Variants in XYLB observed in about 807,000 individuals in gnomAD.
XYLB encodes xylulose kinase.
XYLB carries 62 observed loss-of-function variants against 78.7 expected under a neutral mutation model. The ratio of observed to expected loss-of-function variants is 0.79; its 90% CI spans 0.64 to 0.97. The LOEUF (loss-of-function observed/expected upper bound fraction) is 0.97, where lower values mean the gene tolerates loss of function less well. Among genes scored for constraint, XYLB ranks in the 50% least tolerant of loss-of-function variants. XYLB has a pLI of 0.00. For synonymous variants in XYLB, 245 were observed against 247.4 expected (o/e 0.99, Z 0.09); for missense variants, 687 against 676.8 (o/e 1.02, Z -0.17).
At chr3:38,378,979 A>T (rs118049856) in intron 14 of XYLB, among the ~76,000 whole-genome samples, 1 of 151,952 alleles carries the variant, frequency 6.6e-6, no homozygotes, top group Non-Finnish European at 1.5e-5. Context: ...TGGTAGACAG[A>T]ACTTGAACTC....
At chr3:38,354,104 C>T (rs1270671040) in intron 2 of XYLB, among the ~76,000 whole-genome samples, 6 of 151,790 alleles carry the variant, frequency 4.0e-5, no homozygotes, top group Non-Finnish European at 5.9e-5. Context: ...GTTGGAGTCT[C>T]GCTCTGTCGC....
intron 11 of XYLB, among the ~76,000 whole-genome samples, 175 bp from the exon 12 acceptor site, chr3:38,374,969 G>C (rs1706771078): frequency 6.6e-6 from 1 of 152,182 alleles, no homozygotes. Context: ...GCTAACTCCT[G>C]GCTCATCTGG....
chr3:38,409,900 A>G (rs1351302151), intron 18 of XYLB, among the ~76,000 whole-genome samples: 4 of 152,248 alleles, frequency 2.6e-5, no homozygotes, highest in Non-Finnish European at 5.9e-5. Context: ...AAACAAATGG[A>G]AGAACATTCC....
At chr3:38,395,448 C>G in intron 15 of XYLB, 57 bp from the exon 16 acceptor site, 4 of 1,553,434 alleles carry the variant, frequency 2.6e-6, no homozygotes, top group Non-Finnish European at 3.5e-6. Flanking sequence ...CAAAAACAGC[C>G]CTTTCTGCCT....
intron 14 of XYLB, among the ~76,000 whole-genome samples, chr3:38,378,423 A>G (rs1706975274): frequency 6.6e-6 from 1 of 152,214 alleles, no homozygotes; most frequent in Non-Finnish European, 1.5e-5. Context: ...CTGAATGAGC[A>G]TGTACATGAA....
intron 4 of XYLB, among the ~76,000 whole-genome samples, chr3:38,364,767 GT>G (rs1382848608): frequency 9.9e-5 from 15 of 152,090 alleles, no homozygotes; most frequent in African/African-American, 3.6e-4. Flanking sequence ...CTCAACTCCA[GT>G]AGCCTGAAGA....
At chr3:38,358,311 G>T (rs867743079) in intron 2 of XYLB, among the ~76,000 whole-genome samples, 25 of 19,330 alleles carry the variant, frequency 1.3e-3, no homozygotes, top group African/African-American at 3.9e-3. Context: ...GTTTTGTTTT[G>T]TGTGTGTGTG....
intron 4 of XYLB, among the ~76,000 whole-genome samples, chr3:38,363,722 A>C (rs1559580446): frequency 6.6e-6 from 1 of 152,240 alleles, no homozygotes; most frequent in Non-Finnish European, 1.5e-5. Flanking sequence ...ACATTATTAA[A>C]GCTTGGGCTT....
intron 1 of XYLB, among the ~76,000 whole-genome samples, chr3:38,347,674 T>G (rs1705143094): frequency 6.7e-6 from 1 of 148,256 alleles, no homozygotes; most frequent in Non-Finnish European, 1.5e-5. Context: ...GGACCCTGTC[T>G]CAAAAAAAAA....
At chr3:38,422,840 G>A (rs762372801), downstream of XYLB, among the ~76,000 whole-genome samples, 9 of 152,168 alleles carry the variant, frequency 5.9e-5, no homozygotes, top group Middle Eastern at 6.8e-3. Context: ...ACCAGTTCAA[G>A]CGGAAGGAAA....
At chr3:38,406,649 A>G (rs1322641190) in intron 18 of XYLB, among the ~76,000 whole-genome samples, 1 of 152,200 alleles carries the variant, frequency 6.6e-6, no homozygotes, top group Non-Finnish European at 1.5e-5. Context: ...AATTTAGATG[A>G]ATGTATAACT....
At position 38,365,260 on chromosome 3, in the gene XYLB, A is replaced by G; in HGVS notation, c.353A>G (p.Asp118Gly). 6.2e-7 allele frequency: 1 copy of G among 1,614,132 alleles called. No homozygotes were observed. The highest frequency in any genetic ancestry group is 8.5e-7 in the Non-Finnish European group (1 of 1,180,018). The change falls in exon 5 of 19, where the codon GAC (aspartate) becomes GGC (glycine). Residue 118 changes from aspartate (D) to glycine (G), a missense_variant. By Grantham distance (94) the Asp-to-Gly change is moderately conservative. Coordinates refer to ENST00000207870, the MANE Select transcript of XYLB (RefSeq NM_005108.4). ...AQQALTSLSP[D>G]LRLHQQLQDC... ...CAGGCACTGACAAGCTTATCACCAG[A>G]CCTCCGGCTACACCAGCAGCTGCAG...
At chr3:38,437,577 A>T in the XYLB span, among the ~76,000 whole-genome samples, 14 of 152,342 alleles carry the variant, frequency 9.2e-5, no homozygotes, top group Admixed American at 3.3e-4. Context: ...GTTACAGGAT[A>T]TAAAAAAATT....
chr3:38,372,742 T>C lies in XYLB; in HGVS notation c.847+6T>C. 1 of 1,613,978 alleles carries C rather than the reference T, an allele frequency of 6.2e-7. No homozygotes were observed. The highest frequency in any genetic ancestry group is 8.5e-7 in the Non-Finnish European group (1 of 1,179,928). ...CTTCACTGGGGACAACCCAGGTGAG[T>C]ATCTCGGGGAGTTTCACTCTCCAGT... On this transcript the variant is annotated splice_donor_region_variant and intron_variant, in intron 10 of 18. Transcript: ENST00000207870.
downstream of XYLB, among the ~76,000 whole-genome samples, chr3:38,421,594 A>G (rs1388810954): frequency 6.6e-6 from 1 of 152,106 alleles, no homozygotes; most frequent in Non-Finnish European, 1.5e-5. Context: ...GCACACTGAA[A>G]AAGGCATATA....
chr3:38,367,169 G>C (rs1706309322), intron 7 of XYLB, among the ~76,000 whole-genome samples: 1 of 152,212 alleles, frequency 6.6e-6, no homozygotes, highest in Admixed American at 6.5e-5. Flanking sequence ...AGATCTGAGT[G>C]TCTGAGCAGG....
At position 38,375,257 on chromosome 3, in the gene XYLB, G is replaced by A. The variant is rs1425616573; in HGVS notation, c.1002G>A (p.Leu334=). The change falls in exon 12 of 19, where the codon CTG becomes CTA. Residue 334 remains leucine, a splice_region_variant and synonymous_variant. Transcript: ENST00000207870. ...ACTCCCAGCACTACATGGCACTCCT[G>A]TGGTGAGCTTGGGTGTTGGTTGGCA... The part of the protein sequence containing the change: ...PVDSQHYMAL[L]CFKNGSLMRE... 3.1e-6 allele frequency: 5 copies of A among 1,614,068 alleles called. No homozygotes were observed. Among genetic ancestry groups the A allele is most frequent in the Non-Finnish European group, 4.2e-6 (5 of 1,179,958 alleles).
chr3:38,374,357 G>C, intron 10 of XYLB, 105 bp from the exon 11 acceptor site: 2 of 1,523,454 alleles, frequency 1.3e-6, no homozygotes, highest in Non-Finnish European at 1.8e-6. Context: ...GGGTGTGGGT[G>C]GGGGTTGGAG....
chr3:38,424,032 TCTTTTCTATCCTTAG>T, downstream of XYLB, among the ~76,000 whole-genome samples: 1 of 152,306 alleles, frequency 6.6e-6, no homozygotes, highest in Non-Finnish European at 1.5e-5. Flanking sequence ...ATGAGTAATC[TCTTTTCTATCCTTAG>T]AGGAGATCCC....
Sources: allele counts gnomAD v4.1 joint callset (sites outside exome capture counted in the v4.1 genomes callset), GRCh38; gene constraint gnomAD v4.1.1; transcripts MANE v1.5; gene names NCBI Gene and HGNC (gene_info 2026-07-23, HGNC 2026-07-21).